The following MAN2A1 variants were observed in gnomAD, a reference collection of about 807,000 sequenced individuals.
The protein encoded by MAN2A1 is alpha-mannosidase 2.
Under a neutral mutation model 142.6 loss-of-function variants are expected in MAN2A1, and 76 were observed. The ratio of observed to expected loss-of-function variants is 0.53; its 90% CI spans 0.44 to 0.65. The LOEUF is 0.65. MAN2A1 is among the 30% of genes least tolerant of loss of function. The pLI, the probability that MAN2A1 is intolerant of heterozygous loss-of-function variation, is 0.00. For synonymous variants in MAN2A1, 559 were observed against 473.2 expected (o/e 1.18, Z -2.35); for missense variants, 1,311 against 1,365.1 (o/e 0.96, Z 0.62).
At position 109,690,481 on chromosome 5, in the gene MAN2A1, C is replaced by T. The variant is rs1316286968; in HGVS notation, c.64C>T (p.Leu22Phe). Residue 22 changes from leucine (L) to phenylalanine (F), a missense_variant, in exon 1 of 22, where the codon CTC becomes TTC. Leu to Phe is a conservative substitution (Grantham distance 22). Transcript: ENST00000261483. ...SAIFCVVIFS[L>F]YLMLDRGHLD... ...GATCTTCTGTGTGGTGATTTTCTCG[C>T]TCTACCTGATGCTGGACCGGGGTCA... 3.1e-6 allele frequency: 5 copies of T among 1,613,914 alleles called. No homozygotes were observed. The African/African-American group carries it at 4.0e-5, about 13-fold the overall frequency.
intron 3 of MAN2A1, among the ~76,000 whole-genome samples, chr5:109,725,947 G>T (rs1236364059): frequency 6.6e-6 from 1 of 151,902 alleles, no homozygotes; most frequent in Non-Finnish European, 1.5e-5. Flanking sequence ...TTGGGTTTAT[G>T]CCTGCTTTGT....
chr5:109,737,783 A>G (rs1329774055), intron 4 of MAN2A1, among the ~76,000 whole-genome samples: 1 of 152,220 alleles, frequency 6.6e-6, no homozygotes, highest in Non-Finnish European at 1.5e-5. Flanking sequence ...AATTGGTTAA[A>G]AAATGCATAA....
chr5:109,790,248 A>C (rs1440620352), intron 12 of MAN2A1, among the ~76,000 whole-genome samples: 1 of 151,856 alleles, frequency 6.6e-6, no homozygotes, highest in Non-Finnish European at 1.5e-5. Flanking sequence ...CCTCTTGCCA[A>C]TTATAGGATA....
At chr5:109,771,899 G>A (rs778017038) in intron 7 of MAN2A1, among the ~76,000 whole-genome samples, 3 of 152,038 alleles carry the variant, frequency 2.0e-5, no homozygotes, top group Non-Finnish European at 4.4e-5. Flanking sequence ...TTTGGGGGGT[G>A]CTACTGAGAC....
intron 16 of MAN2A1, among the ~76,000 whole-genome samples, chr5:109,831,312 A>G (rs926579940): frequency 1.3e-5 from 2 of 152,224 alleles, no homozygotes; most frequent in South Asian, 4.1e-4. Flanking sequence ...GTTTACTATT[A>G]TAAGACAAAG....
intron 3 of MAN2A1, among the ~76,000 whole-genome samples, chr5:109,716,675 A>C (rs1286977463): frequency 6.6e-6 from 1 of 152,210 alleles, no homozygotes; most frequent in Non-Finnish European, 1.5e-5. Flanking sequence ...AGCAGTATTA[A>C]ATGCTTTAAG....
intron 19 of MAN2A1, chr5:109,854,433 T>C (rs1442905773): frequency 1.3e-5 from 2 of 152,182 alleles, no homozygotes; most frequent in Non-Finnish European, 2.9e-5. Flanking sequence ...AATCATATAC[T>C]ATGTAAGTGT....
chr5:109,776,069 C>CTTTTTTTTTTTTTTTTTTTTT (rs35427592), intron 8 of MAN2A1, among the ~76,000 whole-genome samples: 1 of 134,942 alleles, frequency 7.4e-6, no homozygotes, highest in Non-Finnish European at 1.6e-5. Flanking sequence ...CTTTTAAAGT[C>CTTTTTTTTTTTTTTTTTTTTT]TTTTTTTTTT....
chr5:109,868,238 C>T lies in MAN2A1; in HGVS notation c.*1240C>T, dbSNP rs900236860. 6.6e-6 allele frequency: 1 copy of T among 152,144 alleles called. No individual in the cohort carries two copies. The highest frequency in any genetic ancestry group is 2.1e-4 in the South Asian group (1 of 4,826). 9.4% of individuals were successfully genotyped at this position (152,144 alleles called of 1,614,324 possible). ...TGAAACCCACTTTTATGTAGCTCAT[C>T]ATGGTTTATCTTACTAAGGAATATG... is the stretch of plus-strand genomic sequence containing the variant. On this transcript the variant is annotated 3_prime_UTR_variant, in exon 22 of 22. Transcript: ENST00000261483.
intron 8 of MAN2A1, 98 bp downstream of exon 8, chr5:109,775,063 C>T: frequency 1.3e-6 from 1 of 754,654 alleles, no homozygotes; most frequent in Non-Finnish European, 2.1e-6. Flanking sequence ...TCCTACATCA[C>T]AGTGCTTCTT....
chr5:109,855,378 G>T (rs1177623456), intron 20 of MAN2A1, 44 bp downstream of exon 20: 8 of 1,289,138 alleles, frequency 6.2e-6, no homozygotes, highest in Non-Finnish European at 8.3e-6. Flanking sequence ...TGTTTATTAT[G>T]TACTTGTTTT....
rs930040975 is a variant in MAN2A1, at chr5:109,847,644, GT to G, written c.2843-10del. The G allele has an allele frequency of 5.3e-6, 8 of 1,504,958 alleles. No individual in the cohort carries two copies. The African/African-American group carries it at 8.5e-5, about 16-fold the overall frequency. 93.2% of individuals were successfully genotyped at this position (1,504,958 alleles called of 1,614,324 possible). A position where few individuals can be genotyped will look rare whatever the true frequency, so the allele number is the denominator to read the frequency against. ...TCTGGTCAGTTTTGCTTGTTTGTTT[GT>G]TTGTGTGTTAGGTCAGATTGAAGTT... On this transcript the variant is annotated splice_polypyrimidine_tract_variant and intron_variant, in intron 18 of 21. Transcript: ENST00000261483.
intron 7 of MAN2A1, among the ~76,000 whole-genome samples, chr5:109,774,427 C>T (rs1753227690): frequency 6.6e-6 from 1 of 151,986 alleles, no homozygotes; most frequent in Non-Finnish European, 1.5e-5. Flanking sequence ...CATTTTAACA[C>T]CTGGGCTATC....
intron 6 of MAN2A1, among the ~76,000 whole-genome samples, chr5:109,770,138 A>G (rs539325365): frequency 1.4e-4 from 21 of 152,132 alleles, no homozygotes; most frequent in Non-Finnish European, 2.4e-4. Context: ...CTATGCTTAG[A>G]TAGAAGAGGT....
At chr5:109,735,679 C>T (rs1752070966) in intron 4 of MAN2A1, among the ~76,000 whole-genome samples, 1 of 152,120 alleles carries the variant, frequency 6.6e-6, no homozygotes, top group African/African-American at 2.4e-5. Context: ...ATCTTGGCTG[C>T]TCCCTGCACA....
At chr5:109,733,630 T>C (rs1751990828) in intron 4 of MAN2A1, among the ~76,000 whole-genome samples, 1 of 152,198 alleles carries the variant, frequency 6.6e-6, no homozygotes, top group Admixed American at 6.5e-5. Context: ...CATGTGGTTT[T>C]TGTCTTTGGT....
intron 4 of MAN2A1, among the ~76,000 whole-genome samples, chr5:109,752,314 G>A (rs374971176): frequency 2.0e-5 from 3 of 151,950 alleles, no homozygotes; most frequent in East Asian, 3.9e-4. Flanking sequence ...GCAAATATCT[G>A]TGAGCTTCTT....
chr5:109,741,852 A>C (rs544146718), intron 4 of MAN2A1, among the ~76,000 whole-genome samples: 50 of 152,370 alleles, frequency 3.3e-4, no homozygotes, highest in Non-Finnish European at 5.9e-4. Context: ...TTAATCAATT[A>C]TAATCATAGT....
rs112035000 is a variant in MAN2A1 at position 109,778,431 on chromosome 5, T to A, written c.1375-2965T>A. On this transcript the variant is annotated intron_variant, in intron 8 of 21. Coordinates refer to ENST00000261483, the MANE Select transcript of MAN2A1 (RefSeq NM_002372.4). Reference sequence around the variant, plus strand: ...GTAGGCGTGGTGAAAGCAGACATAATTTTCTAAGAGAGAAAACATTCGTTA... The same window carrying A: ...GTAGGCGTGGTGAAAGCAGACATAAATTTCTAAGAGAGAAAACATTCGTTA... Among the ~76,000 whole-genome samples, 1,267 of 152,200 alleles carry A rather than the reference T, an allele frequency of 8.3e-3. 12 individuals carry two copies. Among genetic ancestry groups the A allele is most frequent in the Non-Finnish European group, 0.012 (835 of 67,934 alleles).
Sources: gnomAD v4.1 joint callset for allele counts (sites outside exome capture counted in the v4.1 genomes callset) on GRCh38, gnomAD v4.1.1 for gene constraint, MANE v1.5 for transcripts, NCBI Gene and HGNC (gene_info 2026-07-23, HGNC 2026-07-21) for gene names.